ATP11A: variants seen among roughly 807,000 people sequenced by gnomAD.
ATP11A encodes the protein ATPase phospholipid transporting 11A.
In ATP11A, 81 loss-of-function variants were observed where a neutral mutation model predicts 154.4. The ratio of observed to expected loss-of-function variants is 0.52; its 90% CI spans 0.44 to 0.63. The LOEUF is 0.63. Ranked by LOEUF, ATP11A falls within the 30% of genes least tolerant of loss-of-function variation. The pLI, the probability that ATP11A is intolerant of heterozygous loss-of-function variation, is 0.00. For missense variants in ATP11A, 1,316 were observed against 1,474.3 expected (o/e 0.89, Z 1.76); for synonymous variants, 623 against 585.9 (o/e 1.06, Z -0.91).
chr13:112,702,201 C>T (rs1886631592), intron 1 of ATP11A, among the ~76,000 whole-genome samples: 1 of 151,918 alleles, frequency 6.6e-6, no homozygotes, highest in Admixed American at 6.6e-5. Context: ...CAAAAATTAG[C>T]TGGGCATCGT....
intron 1 of ATP11A, among the ~76,000 whole-genome samples, chr13:112,712,650 A>G (rs1229459001): frequency 6.6e-6 from 1 of 152,110 alleles, no homozygotes; most frequent in African/African-American, 2.4e-5. Context: ...CTCTCACTGG[A>G]CCGGCGTCAG....
At chr13:112,836,460 C>T (rs2079237616) in intron 16 of ATP11A, among the ~76,000 whole-genome samples, 1 of 151,870 alleles carries the variant, frequency 6.6e-6, no homozygotes, top group Non-Finnish European at 1.5e-5. Flanking sequence ...GAGTCCTGGG[C>T]TAAACATCCG....
At chr13:112,791,929 G>A (rs1276632082) in intron 2 of ATP11A, among the ~76,000 whole-genome samples, 6 of 152,178 alleles carry the variant, frequency 3.9e-5, no homozygotes, top group Admixed American at 3.9e-4. Context: ...CACAGACCGG[G>A]GTCAACAGGC....
At chr13:112,778,869 A>G (rs375633450) in intron 1 of ATP11A, among the ~76,000 whole-genome samples, 12 of 25,764 alleles carry the variant, frequency 4.7e-4, no homozygotes, top group African/African-American at 1.3e-3. Flanking sequence ...AGGAGTAGCC[A>G]CTGGAGTGAG....
chr13:112,728,675 G>A (rs1890163305), intron 1 of ATP11A, among the ~76,000 whole-genome samples: 1 of 151,348 alleles, frequency 6.6e-6, no homozygotes, highest in Admixed American at 6.6e-5. Context: ...GCGTGGAGGG[G>A]CCGTGAGACT....
At chr13:112,790,041 G>A (rs1195734722) in intron 2 of ATP11A, among the ~76,000 whole-genome samples, 2 of 148,246 alleles carry the variant, frequency 1.3e-5, no homozygotes, top group East Asian at 4.1e-4. Context: ...GACCCCTGTG[G>A]CGACCTACTT....
At chr13:112,710,600 G>A (rs895852765) in intron 1 of ATP11A, among the ~76,000 whole-genome samples, 2 of 152,230 alleles carry the variant, frequency 1.3e-5, no homozygotes, top group African/African-American at 2.4e-5. Context: ...AGCAGGCCCC[G>A]CAGGGCTGAG....
intron 1 of ATP11A, among the ~76,000 whole-genome samples, chr13:112,728,648 G>A (rs867861358): frequency 1.5e-5 from 2 of 133,716 alleles, no homozygotes; most frequent in Admixed American, 7.4e-5. Flanking sequence ...TGTATGTACC[G>A]CTTTGTCAGT....
chr13:112,879,486 C>G (rs1165599972), intron 29 of ATP11A, among the ~76,000 whole-genome samples: 1 of 152,202 alleles, frequency 6.6e-6, no homozygotes, highest in African/African-American at 2.4e-5. Flanking sequence ...TTAAATCATG[C>G]CAACTCTGAG....
At chr13:112,737,170 T>G (rs1891077094) in intron 1 of ATP11A, among the ~76,000 whole-genome samples, 2 of 152,162 alleles carry the variant, frequency 1.3e-5, no homozygotes, top group Admixed American at 1.3e-4. Flanking sequence ...TGTTATAAGA[T>G]TCATTGATGT....
chr13:112,800,466 G>A (rs183081916), intron 2 of ATP11A, among the ~76,000 whole-genome samples: 17 of 152,088 alleles, frequency 1.1e-4, no homozygotes, highest in Admixed American at 1.1e-3. Flanking sequence ...TAATCTGGGT[G>A]GGCCTACATC....
chr13:112,719,956 A>G (rs563814788), intron 1 of ATP11A, among the ~76,000 whole-genome samples: 41 of 152,350 alleles, frequency 2.7e-4, no homozygotes, highest in African/African-American at 9.6e-4. Context: ...TCATATCCCA[A>G]GTGCCCACAA....
intron 8 of ATP11A, 25 bp downstream of exon 8, chr13:112,819,975 GC>G (rs2078753233): frequency 1.3e-6 from 2 of 1,564,482 alleles, no homozygotes; most frequent in Non-Finnish European, 1.7e-6. Context: ...GGATGCCTTG[GC>G]CACGGTCACC....
chr13:112,767,751 A>C (rs966827441), intron 1 of ATP11A, among the ~76,000 whole-genome samples: 2 of 152,138 alleles, frequency 1.3e-5, no homozygotes, highest in African/African-American at 2.4e-5. Context: ...GCCACACTGC[A>C]AACTCTGAAG....
At chr13:112,789,789 G>T (rs915203147) in intron 2 of ATP11A, among the ~76,000 whole-genome samples, 2 of 150,012 alleles carry the variant, frequency 1.3e-5, no homozygotes, top group African/African-American at 2.5e-5. Flanking sequence ...CTGATGTGTA[G>T]ACTCCTGTGG....
At chr13:112,867,315 G>A (rs1010398) in intron 25 of ATP11A, among the ~76,000 whole-genome samples, 3,667 of 152,274 alleles carry the variant, frequency 0.024, 160 homozygotes, top group African/African-American at 0.083. Flanking sequence ...GGTCATACCC[G>A]GACGTCCGGC....
intron 2 of ATP11A, among the ~76,000 whole-genome samples, chr13:112,789,413 CTG>C (rs1277010949): frequency 6.6e-6 from 1 of 150,728 alleles, no homozygotes. Context: ...ATGTAGACCC[CTG>C]TGGAGACCTA....
At chr13:112,794,699 C>T (rs1308133197) in intron 2 of ATP11A, among the ~76,000 whole-genome samples, 1 of 151,996 alleles carries the variant, frequency 6.6e-6, no homozygotes, top group Non-Finnish European at 1.5e-5. Context: ...GAAATCCTGT[C>T]TCTACCAAAA....
intron 25 of ATP11A, among the ~76,000 whole-genome samples, chr13:112,870,540 G>A (rs986553385): frequency 3.2e-4 from 48 of 152,116 alleles, no homozygotes; most frequent in African/African-American, 8.2e-4. Context: ...CGCTACGCCC[G>A]GCTAATGTTT....
Sources: allele counts gnomAD v4.1 joint callset (sites outside exome capture counted in the v4.1 genomes callset), GRCh38; gene constraint gnomAD v4.1.1; transcripts MANE v1.5; gene names NCBI Gene and HGNC (gene_info 2026-07-23, HGNC 2026-07-21).